Variants in NRXN3 observed in about 807,000 individuals in gnomAD.
The protein encoded by NRXN3 is neurexin III.
Under a neutral mutation model 137.6 loss-of-function variants are expected in NRXN3, and 32 were observed. The observed-to-expected ratio is 0.23, with a 90% CI of 0.18 to 0.31. The LOEUF (loss-of-function observed/expected upper bound fraction) is 0.31, where lower values mean the gene tolerates loss of function less well. NRXN3 is among the 10% of genes least tolerant of loss of function. The probability of loss-of-function intolerance (pLI) is 1.00; values close to 1 mark genes in which losing one functional copy is unlikely to be tolerated. For synonymous variants in NRXN3, 798 were observed against 784.5 expected (o/e 1.02, Z -0.29); for missense variants, 1,574 against 2,062.5 (o/e 0.76, Z 4.59).
intron 6 of NRXN3, among the ~76,000 whole-genome samples, chr14:78,680,121 A>G (rs1235015097): frequency 1.3e-5 from 2 of 152,160 alleles, no homozygotes; most frequent in Non-Finnish European, 2.9e-5. Flanking sequence ...TACCAAACCA[A>G]CACAGGAACA....
At chr14:79,483,961 T>C (rs1007745321) in intron 16 of NRXN3, among the ~76,000 whole-genome samples, 2 of 152,168 alleles carry the variant, frequency 1.3e-5, no homozygotes, top group Non-Finnish European at 2.9e-5. Context: ...CCTAAGTCAC[T>C]GTGGGTGTCC....
At chr14:79,849,088 C>T (rs535901688) in intron 20 of NRXN3, among the ~76,000 whole-genome samples, 12 of 152,262 alleles carry the variant, frequency 7.9e-5, no homozygotes, top group Non-Finnish European at 1.5e-4. Context: ...GACTCTGCCT[C>T]GATAACAAAT....
At chr14:78,878,830 G>T (rs2099120322) in intron 10 of NRXN3, among the ~76,000 whole-genome samples, 1 of 151,678 alleles carries the variant, frequency 6.6e-6, no homozygotes. Context: ...TGTACCCTTT[G>T]GTCAAACATC....
At chr14:78,495,783 C>G (rs1411816244) in intron 4 of NRXN3, among the ~76,000 whole-genome samples, 1 of 152,184 alleles carries the variant, frequency 6.6e-6, no homozygotes, top group Non-Finnish European at 1.5e-5. Flanking sequence ...AGGTGACAGT[C>G]TTCTGGATCT....
intron 19 of NRXN3, among the ~76,000 whole-genome samples, chr14:79,705,790 C>G (rs1206532123): frequency 6.6e-6 from 1 of 152,170 alleles, no homozygotes; most frequent in African/African-American, 2.4e-5. Context: ...ATCGCCTTTT[C>G]CTGTTTTGTT....
intron 4 of NRXN3, among the ~76,000 whole-genome samples, chr14:78,401,102 G>A (rs916140571): frequency 6.6e-6 from 1 of 152,104 alleles, no homozygotes; most frequent in African/African-American, 2.4e-5. Context: ...AGGTGGAAAA[G>A]CAAAAAGGTC....
intron 4 of NRXN3, among the ~76,000 whole-genome samples, chr14:78,547,173 T>C (rs1418525266): frequency 6.6e-6 from 1 of 152,076 alleles, no homozygotes; most frequent in Admixed American, 6.6e-5. Flanking sequence ...GTCTGATATC[T>C]ATGAAGTCCA....
intron 8 of NRXN3, among the ~76,000 whole-genome samples, chr14:78,766,411 A>C (rs2098709288): frequency 6.6e-6 from 1 of 152,204 alleles, no homozygotes; most frequent in Admixed American, 6.5e-5. Context: ...ATTGCAAAAA[A>C]TAAATTGCCT....
At chr14:79,554,263 G>T (rs993096012) in intron 16 of NRXN3, among the ~76,000 whole-genome samples, 4 of 152,090 alleles carry the variant, frequency 2.6e-5, no homozygotes, top group Admixed American at 2.6e-4. Flanking sequence ...CAGGAATCTG[G>T]GTGGGGAGAA....
At chr14:78,679,477 C>T (rs2098049871) in intron 6 of NRXN3, among the ~76,000 whole-genome samples, 1 of 152,200 alleles carries the variant, frequency 6.6e-6, no homozygotes, top group Admixed American at 6.5e-5. Flanking sequence ...GAAAGCCCAA[C>T]TGTGCAACAG....
intron 15 of NRXN3, among the ~76,000 whole-genome samples, chr14:79,083,789 A>G (rs887934475): frequency 2.0e-5 from 3 of 152,264 alleles, no homozygotes. Context: ...GGGGTTTTAC[A>G]TAAAACAGTT....
intron 4 of NRXN3, among the ~76,000 whole-genome samples, chr14:78,564,762 A>G (rs79985721): frequency 1.3e-5 from 2 of 152,098 alleles, no homozygotes; most frequent in Non-Finnish European, 2.9e-5. Context: ...TTTGCCTATC[A>G]TCCCAAACCT....
intron 19 of NRXN3, among the ~76,000 whole-genome samples, chr14:79,767,275 A>G (rs2099059156): frequency 6.6e-6 from 1 of 152,128 alleles, no homozygotes; most frequent in Non-Finnish European, 1.5e-5. Flanking sequence ...AATTTCACTA[A>G]TGGGAAATGT....
chr14:78,892,440 C>A (rs535207070), intron 10 of NRXN3, among the ~76,000 whole-genome samples: 1 of 151,862 alleles, frequency 6.6e-6, no homozygotes, highest in African/African-American at 2.4e-5. Flanking sequence ...TAAAATCAGG[C>A]AGTGGAAATC....
At chr14:79,417,429 AAAATGC>A (rs1199588494) in intron 15 of NRXN3, among the ~76,000 whole-genome samples, 2 of 152,136 alleles carry the variant, frequency 1.3e-5, no homozygotes, top group Non-Finnish European at 2.9e-5. Flanking sequence ...AAATCCCATC[AAAATGC>A]TAGAGAATTT....
intron 15 of NRXN3, among the ~76,000 whole-genome samples, chr14:79,363,146 G>A (rs945042203): frequency 6.6e-6 from 1 of 151,910 alleles, no homozygotes; most frequent in African/African-American, 2.4e-5. Context: ...AATTATAGGC[G>A]CCCACAACCG....
chr14:78,728,057 G>A (rs777795714), intron 8 of NRXN3, among the ~76,000 whole-genome samples: 4 of 152,164 alleles, frequency 2.6e-5, no homozygotes, highest in African/African-American at 4.8e-5. Context: ...GAGGTAGTAA[G>A]TAGCCACGCT....
At chr14:79,562,496 G>A (rs1332688084) in intron 16 of NRXN3, among the ~76,000 whole-genome samples, 1 of 152,142 alleles carries the variant, frequency 6.6e-6, no homozygotes, top group African/African-American at 2.4e-5. Flanking sequence ...AAATGATACT[G>A]CCTGGTATGC....
At chr14:79,415,845 G>A (rs1200990927) in intron 15 of NRXN3, among the ~76,000 whole-genome samples, 1 of 152,044 alleles carries the variant, frequency 6.6e-6, no homozygotes, top group African/African-American at 2.4e-5. Context: ...GAACCATCTA[G>A]GAACTTATTA....
Sources: gnomAD v4.1 joint callset for allele counts (sites outside exome capture counted in the v4.1 genomes callset) on GRCh38, gnomAD v4.1.1 for gene constraint, MANE v1.5 for transcripts, NCBI Gene and HGNC (gene_info 2026-07-23, HGNC 2026-07-21) for gene names.